The following LILRA4 variants were observed in gnomAD, a reference collection of about 807,000 sequenced individuals.
The protein encoded by LILRA4 is leukocyte immunoglobulin like receptor A4, also known as leukocyte immunoglobulin-like receptor subfamily A member 4.
A neutral mutation model predicts 49.5 loss-of-function variants in LILRA4; 51 were observed. The observed-to-expected ratio is 1.03, with a 90% confidence interval of 0.82 to 1.30. The LOEUF (loss-of-function observed/expected upper bound fraction) is 1.30, where lower values mean the gene tolerates loss of function less well. LILRA4 is among the 50% of genes most tolerant of loss of function. LILRA4 has a pLI of 0.00. For missense variants in LILRA4, 624 were observed against 625.6 expected, an observed-to-expected ratio of 1.00 and a Z score of 0.03; for synonymous variants, 272 against 265.6, an observed-to-expected ratio of 1.02 and a Z score of -0.23.
rs768427358 is a variant in LILRA4, at chr19:54,338,561, C to T, written c.190G>A (p.Gly64Arg). 1.2e-6 allele frequency: 2 copies of T among 1,614,056 alleles called. No individual in the cohort carries two copies. The highest frequency in any genetic ancestry group is 1.3e-5 in the African/African-American group (1 of 74,922). ...AATATGTGCCTCGACATTGAGTTTC[C>T]CTCTTTATCCAGACGGTACCCCTGG... ...EAQGYRLDKE[G>R]NSMSRHILKT... The change falls in exon 3 of 8, where the codon GGA (glycine) becomes AGA (arginine). Residue 64 changes from glycine (G) to arginine (R), a missense_variant. Transcript: ENST00000291759.
Position 54,333,649 on chromosome 19 carries a change from G to A in LILRA4, c.1423C>T (p.Pro475Ser), listed in dbSNP as rs200162955. 3 of 1,614,074 alleles carry A rather than the reference G, an allele frequency of 1.9e-6. No homozygotes were observed. Among genetic ancestry groups the A allele is most frequent in the Admixed American group, 3.3e-5 (2 of 59,992 alleles). Residue 475 changes from proline to serine, a missense_variant, in exon 8 of 8, where the codon CCA becomes TCA. Physicochemically the swap from Pro to Ser is moderately conservative, Grantham distance 74 (BLOSUM62 -1). Transcript: ENST00000291759. Reference protein sequence around the residue: ...FEAQHSQRSPPRCSQEANSRK... With the variant: ...FEAQHSQRSPSRCSQEANSRK... The stretch of plus-strand genomic sequence containing the variant: ...CTGTTTGCCTCCTGGCTGCACCTTG[G>A]GGGGCTTCTCTGGCTGTGCTGAGCC...
At chr19:54,337,811 T>A in intron 4 of LILRA4, 115 bp from the exon 5 acceptor site, 1 of 1,453,428 alleles carries the variant, frequency 6.9e-7, no homozygotes, top group East Asian at 2.4e-5. Context: ...ATTCTGTATT[T>A]GTGTCCCCAG....
In LILRA4 at chr19:54,337,976, C is replaced by T; in HGVS notation, c.615G>A (p.Val205=). 1 of 1,613,644 alleles carries T rather than the reference C, an allele frequency of 6.2e-7. No individual in the cohort carries two copies. Among genetic ancestry groups the T allele is most frequent in the Non-Finnish European group, 8.5e-7 (1 of 1,179,936 alleles). Residue 205 remains valine (V), a synonymous_variant, in exon 4 of 8, where the codon GTG becomes GTA. Coordinates refer to ENST00000291759, the MANE Select transcript of LILRA4 (RefSeq NM_012276.5). The stretch of plus-strand genomic sequence containing the variant: ...GCAGGGGGTCACTGGGTTCCGACCA[C>T]ACGTATGGGGTGTTGTTTTCATAGC... ...CYGYENNTPY[V]WSEPSDPLQL...
At chr19:54,336,732 G>T in intron 6 of LILRA4, 109 bp downstream of exon 6, 1 of 1,471,676 alleles carries the variant, frequency 6.8e-7, no homozygotes, top group Non-Finnish European at 9.1e-7. Flanking sequence ...GATGGAGGAA[G>T]AAGTGGGGCA....
intron 6 of LILRA4, chr19:54,336,511 G>C: frequency 2.2e-6 from 1 of 447,432 alleles, no homozygotes; most frequent in Admixed American, 3.9e-5. Flanking sequence ...AGGGGTGGGA[G>C]CCCAGGGTGG....
In LILRA4 at chr19:54,333,823, C is replaced by G. The variant is rs535714151; in HGVS notation, c.1307-58G>C. The G allele has an allele frequency of 1.5e-4, 236 of 1,611,878 alleles. No individual in the cohort carries two copies. In the Middle Eastern group the frequency reaches 2.0e-3, roughly 14 times the overall value. Reference sequence around the variant, plus strand: ...CAGGGCAGATCACAATTACCAAAGACCCCTGGATGTCCACCCAGGGTACCC... The same window carrying G: ...CAGGGCAGATCACAATTACCAAAGAGCCCTGGATGTCCACCCAGGGTACCC... On this transcript the variant is annotated intron_variant, in intron 7 of 7. Transcript: ENST00000291759.
Position 54,333,755 on chromosome 19 carries a change from G to C in LILRA4, c.1317C>G (p.Leu439=), listed in dbSNP as rs781090722. ...KKSDSKTAPH[L]QDYTVENLIR... ...TGAGATTCTCCACTGTGTAATCCTG[G>C]AGGTGTGGGGCTAGGGATGGTGGAC... The change falls in exon 8 of 8, where the codon CTC becomes CTG. Residue 439 remains leucine, a synonymous_variant. Transcript: ENST00000291759. The C allele has an allele frequency of 6.2e-7, 1 of 1,614,134 alleles. No individual in the cohort carries two copies. Among genetic ancestry groups the C allele is most frequent in the Non-Finnish European group, 8.5e-7 (1 of 1,180,024 alleles).
In LILRA4 at chr19:54,333,521, G is replaced by A. The variant is rs778521805; in HGVS notation, c.*51C>T. 1 of 1,567,634 alleles carries A rather than the reference G, an allele frequency of 6.4e-7. No homozygotes were observed. Among genetic ancestry groups the A allele is most frequent in the East Asian group, 2.2e-5 (1 of 44,630 alleles). ...ATGCTTCTTCCCCTTGATATTCTCAGCAGACACTTCCCCAACTGCTGCCCC... is the reference window on the plus strand; with the variant it reads ...ATGCTTCTTCCCCTTGATATTCTCAACAGACACTTCCCCAACTGCTGCCCC... On this transcript the variant is annotated 3_prime_UTR_variant, in exon 8 of 8. Transcript: ENST00000291759.
intron 2 of LILRA4, 57 bp downstream of exon 2, chr19:54,338,809 G>T: frequency 6.2e-6 from 10 of 1,610,168 alleles, no homozygotes; most frequent in Admixed American, 1.7e-5. Context: ...CTGCCCAGGG[G>T]TGGTCCCTTG....
At position 54,338,644 on chromosome 19, in the gene LILRA4, C is replaced by T. The variant is rs1042298278; in HGVS notation, c.107G>A (p.Gly36Asp). ...GGGGTTATGCCAGGTGATCACGGGA[C>T]CTGGCTCGGCCCACAGGATGGGTTT... ...LLKPILWAEP[G>D]PVITWHNPVT... The change falls in exon 3 of 8, where the codon GGT (glycine) becomes GAT (aspartate). Residue 36 changes from glycine to aspartate, a missense_variant. Transcript: ENST00000291759. 3 of 1,613,554 alleles carry T rather than the reference C, an allele frequency of 1.9e-6. No individual in the cohort carries two copies. The highest frequency in any genetic ancestry group is 8.5e-7 in the Non-Finnish European group (1 of 1,179,756).
chr19:54,337,301 G>A (rs2081336131), intron 5 of LILRA4, 99 bp downstream of exon 5: 4 of 1,515,738 alleles, frequency 2.6e-6, no homozygotes, highest in East Asian at 4.8e-5. Flanking sequence ...CCCTCCCTTA[G>A]GACCCCCACC....
chr19:54,337,053 T>C lies in LILRA4; in HGVS notation c.1043A>G (p.Asp348Gly). Residue 348 changes from aspartate (D) to glycine (G), a missense_variant, in exon 6 of 8, where the codon GAC becomes GGC. Coordinates refer to ENST00000291759, the MANE Select transcript of LILRA4 (RefSeq NM_012276.5). ...GGTCAGAAGGAAAGTGAACATCGGG[T>C]CCCATGACTGACACAGCAGGGTCAC... Reference protein sequence around the residue: ...EKVTLLCQSWDPMFTFLLTKE... With the variant: ...EKVTLLCQSWGPMFTFLLTKE... 1.2e-6 allele frequency: 2 copies of C among 1,612,098 alleles called. No individual in the cohort carries two copies. Among genetic ancestry groups the C allele is most frequent in the Non-Finnish European group, 1.7e-6 (2 of 1,179,734 alleles).
rs768125774 is a variant in LILRA4 at position 54,337,705 on chromosome 19, A to G, written c.656-9T>C. On this transcript the variant is annotated splice_polypyrimidine_tract_variant and intron_variant, in intron 4 of 7. Transcript: ENST00000291759. ...GGGCTTCCTAGACACGCCTGGAGGG[A>G]AAGATGAGTTGGGACTCGGAGCGGC... The G allele has an allele frequency of 5.3e-5, 85 of 1,610,340 alleles. No individual in the cohort carries two copies. The highest frequency in any genetic ancestry group is 7.1e-5 in the Non-Finnish European group (84 of 1,178,946).
intron 2 of LILRA4, 69 bp from the exon 3 acceptor site, chr19:54,338,749 A>G (rs1166861308): frequency 6.3e-7 from 1 of 1,586,674 alleles, no homozygotes; most frequent in Non-Finnish European, 8.6e-7. Context: ...CAGCCCCAGG[A>G]CCCCCCTCAT....
At position 54,333,403 on chromosome 19, in the gene LILRA4, G is replaced by C; in HGVS notation, c.*169C>G. 1.5e-6 allele frequency: 1 copy of C among 686,842 alleles called. No individual in the cohort carries two copies. The highest frequency in any genetic ancestry group is 2.4e-6 in the Non-Finnish European group (1 of 411,556). The allele number at this position is 686,842 out of a possible 1,614,324, so 42.5% of individuals were successfully genotyped here. A position where few individuals can be genotyped will look rare whatever the true frequency, so the allele number is the denominator to read the frequency against. Reference sequence around the variant, plus strand: ...GGGAAGAAAAACGAAGGAAGGGGCAGTCAAGGAGAGTCGACAATGAGGAGG... The same window carrying C: ...GGGAAGAAAAACGAAGGAAGGGGCACTCAAGGAGAGTCGACAATGAGGAGG... On this transcript the variant is annotated 3_prime_UTR_variant, in exon 8 of 8. Coordinates refer to ENST00000291759, the MANE Select transcript of LILRA4 (RefSeq NM_012276.5).
At chr19:54,335,251 C>T (rs1301469237) in intron 6 of LILRA4, 2 of 152,204 alleles carry the variant, frequency 1.3e-5, no homozygotes, top group African/African-American at 2.4e-5. Flanking sequence ...TGATTGGCTT[C>T]CCCCTGGCTG....
chr19:54,337,955 G>A lies in LILRA4; in HGVS notation c.636C>T (p.Pro212=). Residue 212 remains proline, a synonymous_variant, in exon 4 of 8, where the codon CCC becomes CCT. Coordinates refer to ENST00000291759, the MANE Select transcript of LILRA4 (RefSeq NM_012276.5). ...TPYVWSEPSD[P]LQLLVSGVSR... ...CCTCACCTGACACCAGTAGCTGCAG[G>A]GGGTCACTGGGTTCCGACCACACGT... The A allele has an allele frequency of 6.2e-7, 1 of 1,611,486 alleles. No individual in the cohort carries two copies. The highest frequency in any genetic ancestry group is 8.5e-7 in the Non-Finnish European group (1 of 1,178,788).
intron 6 of LILRA4, 38 bp downstream of exon 6, chr19:54,336,803 C>G: frequency 1.3e-6 from 2 of 1,500,200 alleles, no homozygotes; most frequent in South Asian, 2.4e-5. Context: ...TTCCAAGAAC[C>G]CCTTTGAGCT....
chr19:54,333,227 GT>G lies in LILRA4; in HGVS notation c.*344del. ...TTTAATTATCAAAAGCAAATTCCATGTTATGAGCTGAAGAGATAGTCCCAGT... is the reference window on the plus strand; with the variant it reads ...TTTAATTATCAAAAGCAAATTCCATGTATGAGCTGAAGAGATAGTCCCAGT... On this transcript the variant is annotated 3_prime_UTR_variant, in exon 8 of 8. Transcript: ENST00000291759. The G allele has an allele frequency of 3.6e-6, 1 of 276,982 alleles. No individual in the cohort carries two copies. The highest frequency in any genetic ancestry group is 6.6e-6 in the Non-Finnish European group (1 of 150,456). The allele number at this position is 276,982 out of a possible 1,614,324, so 17.2% of individuals were successfully genotyped here.
Sources: gnomAD v4.1 joint callset for allele counts on GRCh38, gnomAD v4.1.1 for gene constraint, MANE v1.5 for transcripts, NCBI Gene and HGNC (gene_info 2026-07-23, HGNC 2026-07-21) for gene names.